SCHIP1: variants seen among roughly 807,000 people sequenced by gnomAD.
SCHIP1 encodes schwannomin interacting protein 1, also known as schwannomin-interacting protein 1.
In SCHIP1, 8 loss-of-function variants were observed where a neutral mutation model predicts 29.7. That is an observed-to-expected ratio of 0.27 (90% CI 0.16 to 0.49). The LOEUF (loss-of-function observed/expected upper bound fraction) is 0.49, where lower values mean the gene tolerates loss of function less well. SCHIP1 is among the 20% of genes least tolerant of loss of function. The probability of loss-of-function intolerance (pLI) is 0.99; values close to 1 mark genes in which losing one functional copy is unlikely to be tolerated. For missense variants in SCHIP1, 193 were observed against 294.6 expected (o/e 0.66, Z 2.52); for synonymous variants, 76 against 94.9 (o/e 0.80, Z 1.16).
chr3:159,748,224 T>G, the SCHIP1 span, among the ~76,000 whole-genome samples: 1 of 152,190 alleles, frequency 6.6e-6, no homozygotes, highest in South Asian at 2.1e-4. Flanking sequence ...GATTGTAAGT[T>G]CCACCCCAAT....
chr3:159,839,936 C>T (rs1439621224), exon 1 of SCHIP1: 3 of 1,410,030 alleles, frequency 2.1e-6, no homozygotes, highest in Non-Finnish European at 2.8e-6. Flanking sequence ...GGTCCCAGCT[C>T]CATGTTCCTA....
At chr3:159,322,717 C>G in the SCHIP1 span, among the ~76,000 whole-genome samples, 2 of 152,206 alleles carry the variant, frequency 1.3e-5, no homozygotes, top group Non-Finnish European at 2.9e-5. Flanking sequence ...AAACCTGGCT[C>G]AGGGCAGGAA....
At chr3:159,289,566 TTC>T in the SCHIP1 span, among the ~76,000 whole-genome samples, 30 of 152,340 alleles carry the variant, frequency 2.0e-4, no homozygotes, top group African/African-American at 7.2e-4. Context: ...ACTACCATTA[TTC>T]TCTCAAACTG....
the SCHIP1 span, among the ~76,000 whole-genome samples, chr3:159,563,213 C>T: frequency 6.6e-6 from 1 of 152,160 alleles, no homozygotes; most frequent in Non-Finnish European, 1.5e-5. Flanking sequence ...GAATGTAATA[C>T]TTACATTTCT....
At chr3:159,286,577 G>A in the SCHIP1 span, among the ~76,000 whole-genome samples, 1 of 152,094 alleles carries the variant, frequency 6.6e-6, no homozygotes, top group African/African-American at 2.4e-5. Context: ...ATATTCCTTT[G>A]AGTATATACC....
the SCHIP1 span, among the ~76,000 whole-genome samples, chr3:159,660,101 G>C: frequency 6.6e-6 from 1 of 152,144 alleles, no homozygotes; most frequent in African/African-American, 2.4e-5. Context: ...GTGAATTAGA[G>C]TATTTTTGAA....
upstream of SCHIP1, among the ~76,000 whole-genome samples, chr3:159,837,457 T>C (rs1743772152): frequency 6.6e-6 from 1 of 152,188 alleles, no homozygotes; most frequent in Non-Finnish European, 1.5e-5. Context: ...ACACGGTGGC[T>C]CAGGCCTGTA....
intron 6 of SCHIP1, among the ~76,000 whole-genome samples, chr3:159,896,114 C>G (rs2109554747): frequency 6.6e-6 from 1 of 152,300 alleles, no homozygotes; most frequent in East Asian, 1.9e-4. Context: ...CCACAAAGAC[C>G]TGCCATTTGT....
chr3:159,718,232 C>A, the SCHIP1 span, among the ~76,000 whole-genome samples: 1 of 152,150 alleles, frequency 6.6e-6, no homozygotes, highest in South Asian at 2.1e-4. Flanking sequence ...GGATGTATCT[C>A]AAAATATTAA....
chr3:159,763,378 G>A, the SCHIP1 span, among the ~76,000 whole-genome samples: 1 of 152,132 alleles, frequency 6.6e-6, no homozygotes, highest in African/African-American at 2.4e-5. Context: ...TTGGGATGCC[G>A]GGTGGCTTCG....
At chr3:159,388,355 G>C in the SCHIP1 span, among the ~76,000 whole-genome samples, 1 of 151,968 alleles carries the variant, frequency 6.6e-6, no homozygotes, top group Non-Finnish European at 1.5e-5. Context: ...AAAATGCCAA[G>C]GAGTAAATTA....
the SCHIP1 span, among the ~76,000 whole-genome samples, chr3:159,824,802 C>T: frequency 2.0e-5 from 3 of 152,188 alleles, no homozygotes; most frequent in Non-Finnish European, 2.9e-5. Context: ...TTTTGGAAAG[C>T]GACAGCCTAA....
At chr3:159,890,787 C>T (rs1168097010) in intron 5 of SCHIP1, among the ~76,000 whole-genome samples, 1 of 150,766 alleles carries the variant, frequency 6.6e-6, no homozygotes, top group Non-Finnish European at 1.5e-5. Flanking sequence ...TTTTGGGGGG[C>T]TCTCTTTTTA....
At chr3:159,892,303 C>A in intron 6 of SCHIP1, 113 bp downstream of exon 7, 2 of 1,234,128 alleles carry the variant, frequency 1.6e-6, no homozygotes, top group Non-Finnish European at 2.3e-6. Context: ...ATAAATAACT[C>A]ACCTAGCCTT....
rs1054438059 is a variant in SCHIP1, at chr3:159,865,398, C to T, written c.31-765C>T. Among the ~76,000 whole-genome samples the T allele has an allele frequency of 5.3e-5, 8 of 152,310 alleles. No homozygotes were observed. In the East Asian group the frequency reaches 1.3e-3, roughly 26 times the overall value. The stretch of plus-strand genomic sequence containing the variant: ...ATGGGGCGTTTAATGAGAAGCCAAG[C>T]ATTGTAAACATATCCAAATGATCAC... On this transcript the variant is annotated intron_variant, in intron 1 of 6. Coordinates refer to ENST00000445224, the Ensembl canonical transcript of SCHIP1.
chr3:159,672,228 T>A, the SCHIP1 span, among the ~76,000 whole-genome samples: 2 of 152,218 alleles, frequency 1.3e-5, no homozygotes, highest in Non-Finnish European at 2.9e-5. Context: ...ATGGAGATAA[T>A]CAAATGAGCA....
chr3:159,507,523 G>A, the SCHIP1 span, among the ~76,000 whole-genome samples: 1 of 152,198 alleles, frequency 6.6e-6, no homozygotes, highest in Non-Finnish European at 1.5e-5. Flanking sequence ...AGTGGTGAGA[G>A]AGGGCATCCC....
chr3:159,614,068 A>G, the SCHIP1 span, among the ~76,000 whole-genome samples: 11 of 152,322 alleles, frequency 7.2e-5, no homozygotes, highest in South Asian at 2.3e-3. Flanking sequence ...CAGATGAGGA[A>G]TCTAGGGTTC....
chr3:159,674,361 G>A, the SCHIP1 span, among the ~76,000 whole-genome samples: 65 of 152,070 alleles, frequency 4.3e-4, no homozygotes, highest in Non-Finnish European at 7.5e-4. Flanking sequence ...GGAGAGGACT[G>A]GCCCAGTTAC....
Sources: gnomAD v4.1 joint callset for allele counts (sites outside exome capture counted in the v4.1 genomes callset) on GRCh38, gnomAD v4.1.1 for gene constraint, MANE v1.5 for transcripts, NCBI Gene and HGNC (gene_info 2026-07-23, HGNC 2026-07-21) for gene names.